Variants in DCC observed in about 807,000 individuals in gnomAD.
The protein encoded by DCC is DCC netrin 1 receptor.
DCC carries 58 observed loss-of-function variants against 172.5 expected under a neutral mutation model. The ratio of observed to expected loss-of-function variants is 0.34; its 90% CI spans 0.27 to 0.42. The LOEUF (loss-of-function observed/expected upper bound fraction) is 0.42. Ranked by LOEUF, DCC falls within the 10% of genes least tolerant of loss-of-function variation. The pLI, the probability that DCC is intolerant of heterozygous loss-of-function variation, is 1.00. For missense variants in DCC, 1,740 were observed against 1,791.0 expected (o/e 0.97, Z 0.51); for synonymous variants, 709 against 644.5 (o/e 1.10, Z -1.52).
At chr18:53,165,069 G>A (rs955200664) in intron 8 of DCC, among the ~76,000 whole-genome samples, 1 of 152,294 alleles carries the variant, frequency 6.6e-6, no homozygotes, top group Non-Finnish European at 1.5e-5. Flanking sequence ...GTGCAGATGA[G>A]AGAATTAAAA....
intron 3 of DCC, among the ~76,000 whole-genome samples, chr18:52,911,955 G>T (rs1315826104): frequency 1.3e-5 from 2 of 151,900 alleles, no homozygotes; most frequent in Non-Finnish European, 2.9e-5. Context: ...ATGTTTTCTA[G>T]ATATATCAGA....
intron 12 of DCC, among the ~76,000 whole-genome samples, chr18:53,233,951 T>A (rs2056161008): frequency 6.6e-6 from 1 of 151,774 alleles, no homozygotes; most frequent in South Asian, 2.1e-4. Context: ...TTGTCACTAC[T>A]AAAAATACAA....
At chr18:52,799,180 C>T (rs747200847) in intron 2 of DCC, among the ~76,000 whole-genome samples, 13 of 152,118 alleles carry the variant, frequency 8.5e-5, no homozygotes, top group Non-Finnish European at 1.5e-4. Flanking sequence ...CCATCTAATC[C>T]GTGGCTACTT....
At chr18:53,433,852 T>C (rs878571) in intron 21 of DCC, among the ~76,000 whole-genome samples, 35,615 of 152,096 alleles carry the variant, frequency 0.23, 4,729 homozygotes, top group East Asian at 0.41. Context: ...CCAGCAGATA[T>C]TAAACATGCC....
At chr18:53,252,478 C>A (rs2056450121) in intron 12 of DCC, among the ~76,000 whole-genome samples, 1 of 151,860 alleles carries the variant, frequency 6.6e-6, no homozygotes, top group African/African-American at 2.4e-5. Context: ...TACTTATTAC[C>A]AAAACAACAC....
intron 21 of DCC, among the ~76,000 whole-genome samples, chr18:53,423,994 TG>T (rs2145083832): frequency 6.6e-6 from 1 of 152,270 alleles, no homozygotes; most frequent in South Asian, 2.1e-4. Flanking sequence ...TTACTGATCT[TG>T]GGGGAGACGA....
intron 2 of DCC, among the ~76,000 whole-genome samples, chr18:52,870,788 T>A (rs1396965985): frequency 2.0e-5 from 3 of 148,556 alleles, no homozygotes; most frequent in African/African-American, 7.5e-5. Flanking sequence ...CCTAGACCCC[T>A]ACCCACCAAA....
At position 52,771,858 on chromosome 18, in the gene DCC, T is replaced by C. The variant is rs192586005; in HGVS notation, c.412+19484T>C. 2.9e-3 allele frequency among the ~76,000 whole-genome samples: 375 copies of C among 127,690 alleles called. 1 individual carries two copies. The highest frequency in any genetic ancestry group is 0.011 in the Middle Eastern group (3 of 262). The allele number at this position is 127,690 out of a possible 152,430, so 83.8% of individuals were successfully genotyped here. On this transcript the variant is annotated intron_variant, in intron 2 of 28. Coordinates refer to ENST00000442544, the MANE Select transcript of DCC (RefSeq NM_005215.4). ...AAATTTGGTGTGTAACAGAATCTTC[T>C]GTAGAAACTTGTGAAAAAAAAAAAA...
intron 5 of DCC, among the ~76,000 whole-genome samples, chr18:53,031,866 G>T (rs894922141): frequency 8.5e-5 from 13 of 152,082 alleles, no homozygotes; most frequent in Non-Finnish European, 1.6e-4. Context: ...GTGTGTATGT[G>T]TGTGTGTGTG....
chr18:52,978,179 T>A (rs1173436852), intron 5 of DCC, among the ~76,000 whole-genome samples: 3 of 151,816 alleles, frequency 2.0e-5, no homozygotes, highest in African/African-American at 7.3e-5. Flanking sequence ...TATTAAGAAG[T>A]GGAAAACATA....
intron 12 of DCC, among the ~76,000 whole-genome samples, chr18:53,239,241 T>G (rs78241868): frequency 6.8e-6 from 1 of 146,858 alleles, no homozygotes; most frequent in East Asian, 2.0e-4. Flanking sequence ...AAAAAAAAAC[T>G]CCAGCAAAGT....
At chr18:52,837,441 C>A (rs773149138) in intron 2 of DCC, among the ~76,000 whole-genome samples, 5 of 152,164 alleles carry the variant, frequency 3.3e-5, no homozygotes, top group Non-Finnish European at 7.3e-5. Context: ...ACCCTAAAAT[C>A]ATCTCTCTCA....
chr18:52,793,455 T>A (rs2037814451), intron 2 of DCC, among the ~76,000 whole-genome samples: 1 of 152,244 alleles, frequency 6.6e-6, no homozygotes, highest in African/African-American at 2.4e-5. Context: ...TACCATCTGC[T>A]TAAGTTATTT....
chr18:52,810,584 C>T (rs2038177083), intron 2 of DCC, among the ~76,000 whole-genome samples: 1 of 152,128 alleles, frequency 6.6e-6, no homozygotes, highest in Non-Finnish European at 1.5e-5. Flanking sequence ...GGGAAAGTCC[C>T]CCATGTGGCT....
At chr18:52,451,762 G>A (rs1005571828) in intron 1 of DCC, among the ~76,000 whole-genome samples, 3 of 151,958 alleles carry the variant, frequency 2.0e-5, no homozygotes, top group South Asian at 4.2e-4. Flanking sequence ...GAACTGAGTC[G>A]GCTCGTAGGG....
At chr18:53,441,600 C>A (rs146170206) in intron 22 of DCC, among the ~76,000 whole-genome samples, 1 of 152,152 alleles carries the variant, frequency 6.6e-6, no homozygotes, top group East Asian at 1.9e-4. Flanking sequence ...GTCTCTCATT[C>A]TTTCCTCCCC....
At chr18:53,007,006 T>G (rs953095508) in intron 5 of DCC, among the ~76,000 whole-genome samples, 5 of 152,188 alleles carry the variant, frequency 3.3e-5, no homozygotes, top group Admixed American at 3.3e-4. Context: ...ATAGGCTGAT[T>G]TGAAGTAGAT....
intron 7 of DCC, among the ~76,000 whole-genome samples, chr18:53,068,934 C>A (rs2042614052): frequency 6.6e-6 from 1 of 151,970 alleles, no homozygotes; most frequent in Admixed American, 6.6e-5. Flanking sequence ...AAGAGGCTGA[C>A]AAATCTAGTT....
At chr18:53,465,250 T>G (rs537306911) in intron 24 of DCC, among the ~76,000 whole-genome samples, 43 of 152,192 alleles carry the variant, frequency 2.8e-4, no homozygotes, top group African/African-American at 9.9e-4. Context: ...TAGCTTTTTT[T>G]TTTTTGATGG....
Sources: allele counts gnomAD v4.1 joint callset (sites outside exome capture counted in the v4.1 genomes callset), GRCh38; gene constraint gnomAD v4.1.1; transcripts MANE v1.5; gene names NCBI Gene and HGNC (gene_info 2026-07-23, HGNC 2026-07-21).